The following RSRC1 variants were observed in gnomAD, a reference collection of about 807,000 sequenced individuals.
RSRC1 encodes the protein arginine and serine rich coiled-coil 1.
A neutral mutation model predicts 49.1 loss-of-function variants in RSRC1; 39 were observed. That is an observed-to-expected ratio of 0.79 (90% CI 0.61 to 1.04). RSRC1 has a LOEUF of 1.04. RSRC1 is among the 50% of genes least tolerant of loss of function. RSRC1 has a pLI of 0.00. For missense variants in RSRC1, 388 were observed against 402.4 expected, an observed-to-expected ratio of 0.96 and a Z score of 0.31; for synonymous variants, 143 against 130.8, an observed-to-expected ratio of 1.09 and a Z score of -0.63.
At chr3:158,330,261 G>T (rs1380454560) in intron 5 of RSRC1, among the ~76,000 whole-genome samples, 1 of 152,196 alleles carries the variant, frequency 6.6e-6, no homozygotes, top group Non-Finnish European at 1.5e-5. Context: ...TGTCTGACGA[G>T]CCCCAGTGAG....
chr3:158,457,474 A>G (rs576387576), intron 6 of RSRC1, among the ~76,000 whole-genome samples: 1 of 152,290 alleles, frequency 6.6e-6, no homozygotes, highest in East Asian at 1.9e-4. Context: ...TCTGTTTGGC[A>G]GTGTCCAGGA....
intron 6 of RSRC1, among the ~76,000 whole-genome samples, chr3:158,421,354 C>T (rs562920064): frequency 6.6e-6 from 1 of 151,978 alleles, no homozygotes; most frequent in South Asian, 2.1e-4. Flanking sequence ...GATTAGAAGT[C>T]ATTCTTTGAG....
chr3:158,487,437 G>A (rs914435411), intron 7 of RSRC1, among the ~76,000 whole-genome samples: 2 of 151,956 alleles, frequency 1.3e-5, no homozygotes, highest in Admixed American at 6.6e-5. Flanking sequence ...TACAATTAAC[G>A]TCATCTTAAA....
chr3:158,136,461 A>G (rs1716383940), intron 3 of RSRC1, among the ~76,000 whole-genome samples: 1 of 152,194 alleles, frequency 6.6e-6, no homozygotes, highest in Non-Finnish European at 1.5e-5. Flanking sequence ...GCACTGAGCT[A>G]AATTCTTATT....
At chr3:158,414,387 C>G (rs556274532) in intron 6 of RSRC1, among the ~76,000 whole-genome samples, 1 of 151,938 alleles carries the variant, frequency 6.6e-6, no homozygotes, top group Non-Finnish European at 1.5e-5. Context: ...ACAACACACA[C>G]TGGGGCCTGT....
At chr3:158,523,508 A>G (rs956205456) in intron 7 of RSRC1, among the ~76,000 whole-genome samples, 1 of 152,054 alleles carries the variant, frequency 6.6e-6, no homozygotes, top group Non-Finnish European at 1.5e-5. Flanking sequence ...TTATCTCTCA[A>G]TGGAAGCTCC....
chr3:158,525,178 G>C (rs1711931900), intron 7 of RSRC1, among the ~76,000 whole-genome samples: 1 of 151,834 alleles, frequency 6.6e-6, no homozygotes, highest in South Asian at 2.1e-4. Flanking sequence ...ATTAACAAAG[G>C]ACTTCAATTC....
chr3:158,122,014 T>C (rs1280052730), intron 1 of RSRC1, 89 bp from the exon 2 acceptor site: 6 of 726,846 alleles, frequency 8.3e-6, no homozygotes, highest in Non-Finnish European at 1.2e-5. Flanking sequence ...CTAAAATAAA[T>C]AAATAAATGA....
At chr3:158,125,746 A>G (rs1318697149) in intron 3 of RSRC1, among the ~76,000 whole-genome samples, 4 of 152,172 alleles carry the variant, frequency 2.6e-5, no homozygotes, top group Admixed American at 6.5e-5. Flanking sequence ...ATTCATCTGT[A>G]GTGTTGTTCA....
chr3:158,153,337 C>T (rs546013411), intron 3 of RSRC1, among the ~76,000 whole-genome samples: 27 of 152,082 alleles, frequency 1.8e-4, no homozygotes, highest in African/African-American at 6.5e-4. Context: ...AGGCAATTCC[C>T]ACCCCCCTAT....
chr3:158,475,779 C>A (rs1462973285), intron 7 of RSRC1, among the ~76,000 whole-genome samples: 1 of 151,976 alleles, frequency 6.6e-6, no homozygotes, highest in Non-Finnish European at 1.5e-5. Context: ...CTCTGAAACA[C>A]AATGTTGAAA....
At chr3:158,293,676 A>T (rs997077438) in intron 4 of RSRC1, among the ~76,000 whole-genome samples, 2 of 152,004 alleles carry the variant, frequency 1.3e-5, no homozygotes, top group Admixed American at 6.6e-5. Flanking sequence ...TACCTGCATT[A>T]TATTCTTCAA....
At chr3:158,503,981 C>T (rs538776006) in intron 7 of RSRC1, among the ~76,000 whole-genome samples, 2 of 152,268 alleles carry the variant, frequency 1.3e-5, no homozygotes, top group Admixed American at 6.5e-5. Context: ...CTCTAGACAC[C>T]GTCCTGGTGG....
intron 3 of RSRC1, among the ~76,000 whole-genome samples, chr3:158,197,727 T>C (rs1193348478): frequency 3.9e-5 from 6 of 152,206 alleles, no homozygotes; most frequent in African/African-American, 1.2e-4. Flanking sequence ...ACATCTTTAT[T>C]TCTGTCTTCA....
chr3:158,285,318 C>G (rs935473425), intron 4 of RSRC1, among the ~76,000 whole-genome samples: 3 of 152,288 alleles, frequency 2.0e-5, no homozygotes, highest in South Asian at 2.1e-4. Flanking sequence ...AGTTTGAAGT[C>G]AGGTAGCGTG....
chr3:158,336,092 C>T (rs76481158), intron 5 of RSRC1, among the ~76,000 whole-genome samples: 1,635 of 152,342 alleles, frequency 0.011, 31 homozygotes, highest in African/African-American at 0.038. Flanking sequence ...TGACACATCA[C>T]TTATCTTTGG....
chr3:158,231,203 G>C (rs1223955864), intron 4 of RSRC1, among the ~76,000 whole-genome samples: 1 of 127,092 alleles, frequency 7.9e-6, no homozygotes, highest in Non-Finnish European at 1.6e-5. Flanking sequence ...GAATGCAGTC[G>C]TGCAATCTCA....
At chr3:158,120,086 C>T (rs1192148835) in intron 1 of RSRC1, among the ~76,000 whole-genome samples, 2 of 152,128 alleles carry the variant, frequency 1.3e-5, no homozygotes, top group Non-Finnish European at 2.9e-5. Flanking sequence ...GCCTCGGCCT[C>T]CCAAAGTGCT....
chr3:158,257,462 G>A (rs1272636678), intron 4 of RSRC1, among the ~76,000 whole-genome samples: 1 of 152,050 alleles, frequency 6.6e-6, no homozygotes, highest in Non-Finnish European at 1.5e-5. Context: ...GGTTATTCCT[G>A]CTCTTTTTTG....
Sources: allele counts gnomAD v4.1 joint callset (sites outside exome capture counted in the v4.1 genomes callset), GRCh38; gene constraint gnomAD v4.1.1; transcripts MANE v1.5; gene names NCBI Gene and HGNC (gene_info 2026-07-23, HGNC 2026-07-21).